The following CYYR1 variants were observed in gnomAD, a reference collection of about 807,000 sequenced individuals.
The protein encoded by CYYR1 is cysteine and tyrosine-rich protein 1.
In CYYR1, 14 loss-of-function variants were observed where a neutral mutation model predicts 15.2. That is an observed-to-expected ratio of 0.92 (90% CI 0.61 to 1.44). The LOEUF (loss-of-function observed/expected upper bound fraction) is 1.44, where lower values mean the gene tolerates loss of function less well. CYYR1 is among the 40% of genes most tolerant of loss of function. The pLI, the probability that CYYR1 is intolerant of heterozygous loss-of-function variation, is 0.00. For synonymous variants in CYYR1, 80 were observed against 77.4 expected (o/e 1.03, Z -0.18); for missense variants, 228 against 209.5 (o/e 1.09, Z -0.54).
rs573094280 is a variant in CYYR1 at position 26,495,704 on chromosome 21, G to A, written c.177-15275C>T. 1.3e-3 allele frequency among the ~76,000 whole-genome samples: 204 copies of A among 152,330 alleles called. 1 individual carries two copies. In the Middle Eastern group the frequency reaches 0.017, roughly 13 times the overall value. ...AGAGCCACACGGGTGAACTGTTGAC[G>A]TGATCAAGAAATGAAAGTGTATTTG... On this transcript the variant is annotated intron_variant, in intron 2 of 3. Transcript: ENST00000652641.
At chr21:26,477,979 C>T (rs1264495229) in intron 3 of CYYR1, 2 of 1,480,412 alleles carry the variant, frequency 1.4e-6, no homozygotes, top group Non-Finnish European at 1.8e-6. Context: ...AGTCAATTCC[C>T]TAGGGTATTG....
At chr21:26,513,452 C>T (rs925839627) in intron 2 of CYYR1, among the ~76,000 whole-genome samples, 1 of 152,046 alleles carries the variant, frequency 6.6e-6, no homozygotes, top group Admixed American at 6.6e-5. Flanking sequence ...GGGGAAATTC[C>T]AGTGGTGTGG....
chr21:26,537,008 A>T (rs574030066), intron 2 of CYYR1, among the ~76,000 whole-genome samples: 1 of 152,190 alleles, frequency 6.6e-6, no homozygotes, highest in African/African-American at 2.4e-5. Flanking sequence ...ATGTTCTGTG[A>T]TGGAAAAGCA....
intron 2 of CYYR1, among the ~76,000 whole-genome samples, chr21:26,542,364 A>C (rs1978635321): frequency 6.7e-6 from 1 of 150,324 alleles, no homozygotes; most frequent in Non-Finnish European, 1.5e-5. Flanking sequence ...ACATCATTTA[A>C]ATTTTGAAAA....
chr21:26,504,103 G>A (rs2065520090), intron 2 of CYYR1, among the ~76,000 whole-genome samples: 1 of 152,182 alleles, frequency 6.6e-6, no homozygotes, highest in South Asian at 2.1e-4. Flanking sequence ...ATTCTGGAGA[G>A]GGTTCAAGAA....
chr21:26,519,272 G>T (rs2065772601), intron 2 of CYYR1, among the ~76,000 whole-genome samples: 1 of 152,174 alleles, frequency 6.6e-6, no homozygotes, highest in African/African-American at 2.4e-5. Context: ...TATAAATATT[G>T]TCAGAAGCTA....
At chr21:26,513,954 A>T (rs13052402) in intron 2 of CYYR1, among the ~76,000 whole-genome samples, 4 of 150,906 alleles carry the variant, frequency 2.7e-5, no homozygotes, top group Non-Finnish European at 4.4e-5. Context: ...TAGGAGATAT[A>T]CCTAATGTAA....
chr21:26,488,228 A>G (rs1244521962), intron 2 of CYYR1, among the ~76,000 whole-genome samples: 1 of 146,856 alleles, frequency 6.8e-6, no homozygotes, highest in Non-Finnish European at 1.5e-5. Flanking sequence ...AATAAAGACT[A>G]CATCTTCCCC....
intron 2 of CYYR1, among the ~76,000 whole-genome samples, chr21:26,494,362 C>T (rs2065365162): frequency 6.6e-6 from 1 of 152,148 alleles, no homozygotes; most frequent in Non-Finnish European, 1.5e-5. Flanking sequence ...AACATCACCT[C>T]CATTTCTGAG....
At chr21:26,544,523 A>G (rs988780104) in intron 2 of CYYR1, among the ~76,000 whole-genome samples, 2 of 152,228 alleles carry the variant, frequency 1.3e-5, no homozygotes, top group Non-Finnish European at 2.9e-5. Context: ...AATGTCTACC[A>G]TAAGAATGCC....
intron 3 of CYYR1, among the ~76,000 whole-genome samples, chr21:26,473,968 T>C (rs1316252290): frequency 2.0e-5 from 3 of 152,130 alleles, no homozygotes; most frequent in Non-Finnish European, 4.4e-5. Flanking sequence ...TTCAAGCTAT[T>C]ATCTATTCTT....
chr21:26,473,115 T>C (rs2065056084), intron 3 of CYYR1, among the ~76,000 whole-genome samples: 1 of 152,168 alleles, frequency 6.6e-6, no homozygotes, highest in African/African-American at 2.4e-5. Context: ...GTGTATCTTT[T>C]TGTACCAGAC....
At chr21:26,518,421 G>T (rs1447234809) in intron 2 of CYYR1, 2 of 152,192 alleles carry the variant, frequency 1.3e-5, no homozygotes, top group Admixed American at 1.3e-4. Context: ...TTATTGCAGT[G>T]GTGAGCTCTT....
In CYYR1 at chr21:26,566,483, C is replaced by T. The variant is rs1027984693; in HGVS notation, c.74-115G>A. Reference sequence around the variant, plus strand: ...TGACCACCCTTTAGTGGTTTTAAATCTTCATTTTCGTCCTCAGAATTCAAA... The same window carrying T: ...TGACCACCCTTTAGTGGTTTTAAATTTTCATTTTCGTCCTCAGAATTCAAA... On this transcript the variant is annotated intron_variant, in intron 1 of 3. Transcript: ENST00000652641. 4.0e-6 allele frequency: 3 copies of T among 758,598 alleles called. No homozygotes were observed. In the African/African-American group the frequency reaches 5.3e-5, roughly 13 times the overall value. The allele number at this position is 758,598 out of a possible 1,614,324, so 47.0% of individuals were successfully genotyped here. A position where few individuals can be genotyped will look rare whatever the true frequency, so the allele number is the denominator to read the frequency against.
At chr21:26,536,810 A>G (rs1338280393) in intron 2 of CYYR1, among the ~76,000 whole-genome samples, 1 of 151,930 alleles carries the variant, frequency 6.6e-6, no homozygotes, top group East Asian at 1.9e-4. Flanking sequence ...ATTCTCCCCC[A>G]CCAAGCGACA....
intron 2 of CYYR1, among the ~76,000 whole-genome samples, chr21:26,553,995 G>A (rs1322434514): frequency 1.3e-5 from 2 of 152,196 alleles, no homozygotes; most frequent in South Asian, 2.1e-4. Context: ...AATACATTCT[G>A]TCTGGAGATT....
At chr21:26,478,127 G>A (rs1245245177) in intron 3 of CYYR1, 3 of 1,549,388 alleles carry the variant, frequency 1.9e-6, no homozygotes, top group Admixed American at 2.0e-5. Flanking sequence ...GCCTCATGGA[G>A]TTCATATTCT....
rs1440075053 is a variant in CYYR1 at position 26,548,739 on chromosome 21, C to T, written c.176+17527G>A. ...AATTAATAATAATGTAGATTTTCTA[C>T]CCTAATTTTCTACCCACTGGATCTG... On this transcript the variant is annotated intron_variant, in intron 2 of 3. Transcript: ENST00000652641. 2.0e-5 allele frequency among the ~76,000 whole-genome samples: 3 copies of T among 152,120 alleles called. No individual in the cohort carries two copies. In the East Asian group the frequency reaches 5.8e-4, roughly 29 times the overall value.
At position 26,480,310 on chromosome 21, in the gene CYYR1, A is replaced by C. The variant is rs747714387; in HGVS notation, c.296T>G (p.Leu99Arg). 1 of 1,613,384 alleles carries C rather than the reference A, an allele frequency of 6.2e-7. No homozygotes were observed. The highest frequency in any genetic ancestry group is 1.1e-5 in the South Asian group (1 of 91,008). ...KNHRATRVGI[L>R]RTTHINTVSS... ...GACGGTGTTGATGTGAGTCGTCCTG[A>C]GGATGCCCACGCGGGTCGCCCTGTG... The change falls in exon 3 of 4, where the codon CTC becomes CGC. Residue 99 changes from leucine to arginine, a missense_variant. Coordinates refer to ENST00000652641, the MANE Select transcript of CYYR1 (RefSeq NM_001320768.2).
Sources: allele counts gnomAD v4.1 joint callset (sites outside exome capture counted in the v4.1 genomes callset), GRCh38; gene constraint gnomAD v4.1.1; transcripts MANE v1.5; gene names NCBI Gene and HGNC (gene_info 2026-07-23, HGNC 2026-07-21).